The following DNAH3 variants were observed in gnomAD, a reference collection of about 807,000 sequenced individuals.
DNAH3 encodes the protein dynein axonemal heavy chain 3, also known as axonemal beta dynein heavy chain 3.
In DNAH3, 332 loss-of-function variants were observed where a neutral mutation model predicts 432.5. The observed-to-expected ratio is 0.77, with a 90% confidence interval of 0.70 to 0.84. DNAH3 has a LOEUF of 0.84. Among genes scored for constraint, DNAH3 ranks in the 40% least tolerant of loss-of-function variants. The probability of loss-of-function intolerance (pLI) is 0.00; values close to 1 mark genes in which losing one functional copy is unlikely to be tolerated. For missense variants in DNAH3, 4,861 were observed against 5,114.0 expected (o/e 0.95, Z 1.51); for synonymous variants, 1,956 against 1,900.2 (o/e 1.03, Z -0.76).
chr16:21,131,460 G>A (rs34778078), intron 7 of DNAH3, among the ~76,000 whole-genome samples: 3,948 of 36,846 alleles, frequency 0.11, 350 homozygotes, highest in African/African-American at 0.28. Flanking sequence ...GGAAAGAAAG[G>A]AAGGAAGGAA....
chr16:21,133,285 C>T (rs1399123005), intron 7 of DNAH3, among the ~76,000 whole-genome samples: 2 of 145,570 alleles, frequency 1.4e-5, no homozygotes, highest in African/African-American at 5.1e-5. Context: ...ATTGCTTCAG[C>T]TTGGGAGGAG....
intron 24 of DNAH3, among the ~76,000 whole-genome samples, chr16:21,064,452 A>G (rs2090470982): frequency 6.6e-6 from 1 of 152,220 alleles, no homozygotes; most frequent in South Asian, 2.1e-4. Context: ...GTGAAACATG[A>G]TTGTTGTTTC....
Position 20,963,446 on chromosome 16 carries a change from G to A in DNAH3, c.10438C>T (p.Arg3480Trp), listed in dbSNP as rs761505991. The change falls in exon 53 of 62, where the codon CGG (arginine) becomes TGG (tryptophan). Residue 3480 changes from arginine (R) to tryptophan (W), a missense_variant. Physicochemically the swap from Arg to Trp is moderately radical, Grantham distance 101 (BLOSUM62 -3). Coordinates refer to ENST00000261383, the Ensembl canonical transcript of DNAH3. ...ACCGCTGGCACCATTTTGTCAGGCCGCAAACATCGAAGGATCACCATCTTC... is the reference window on the plus strand; with the variant it reads ...ACCGCTGGCACCATTTTGTCAGGCCACAAACATCGAAGGATCACCATCTTC... The A allele has an allele frequency of 1.9e-5, 31 of 1,613,972 alleles. No individual in the cohort carries two copies. The highest frequency in any genetic ancestry group is 8.0e-5 in the African/African-American group (6 of 74,892).
chr16:20,955,880 G>C (rs2152599291), intron 54 of DNAH3, among the ~76,000 whole-genome samples: 1 of 152,026 alleles, frequency 6.6e-6, no homozygotes, highest in Admixed American at 6.6e-5. Context: ...TTGGCACATT[G>C]CATCTGAGGC....
intron 51 of DNAH3, among the ~76,000 whole-genome samples, chr16:20,972,296 G>C (rs2085379104): frequency 6.6e-6 from 1 of 151,432 alleles, no homozygotes; most frequent in Non-Finnish European, 1.5e-5. Context: ...TGCAGTGGTG[G>C]GATCATAGCT....
Position 21,081,698 on chromosome 16 carries a change from CT to C in DNAH3, c.2906del (p.Lys969SerfsTer43). Reference sequence around the variant, plus strand: ...TTGAGAGGCAGGTCGTTTCGGTGGGCTTTATCTCATAGCCAACAATCTCACT... The same window carrying C: ...TTGAGAGGCAGGTCGTTTCGGTGGGCTTATCTCATAGCCAACAATCTCACT... On this transcript the variant is annotated frameshift_variant, in exon 20 of 62. Transcript: ENST00000261383. LOFTEE classifies it high-confidence loss of function. 6.2e-7 allele frequency: 1 copy of C among 1,613,876 alleles called. No individual in the cohort carries two copies. Among genetic ancestry groups the C allele is most frequent in the Non-Finnish European group, 8.5e-7 (1 of 1,179,874 alleles).
At chr16:21,005,933 T>G (rs2087281836) in intron 41 of DNAH3, among the ~76,000 whole-genome samples, 1 of 152,116 alleles carries the variant, frequency 6.6e-6, no homozygotes, top group Non-Finnish European at 1.5e-5. Context: ...TATGTTATAT[T>G]TTCTGGTCAA....
At chr16:21,041,896 C>T (rs7188800) in intron 32 of DNAH3, 131 bp downstream of exon 32, 20,555 of 990,972 alleles carry the variant, frequency 0.021, 259 homozygotes, top group Middle Eastern at 0.044. Context: ...TGATCTCGAG[C>T]TCCTGACCTC....
Position 20,965,325 on chromosome 16 carries a change from TG to T in DNAH3, c.8558del (p.Pro2853HisfsTer2). 3 of 1,608,634 alleles carry T rather than the reference TG, an allele frequency of 1.9e-6. No individual in the cohort carries two copies. Among genetic ancestry groups the T allele is most frequent in the Non-Finnish European group, 2.5e-6 (3 of 1,176,914 alleles). ...TTTCCCGGATCCGCTTCATGGTCAG[TG>T]GGGGGATGTTGTCTTTGTCATATGT... On this transcript the variant is annotated frameshift_variant, in exon 53 of 62. Coordinates refer to ENST00000261383, the Ensembl canonical transcript of DNAH3. LOFTEE classifies it high-confidence loss of function.
chr16:21,108,533 A>G (rs4783524), intron 14 of DNAH3, among the ~76,000 whole-genome samples: 42,615 of 151,648 alleles, frequency 0.28, 6,098 homozygotes, highest in African/African-American at 0.33. Flanking sequence ...TGCTTGAGCC[A>G]GGGAGTTTGA....
chr16:21,038,150 T>C (rs1301347117), intron 33 of DNAH3, among the ~76,000 whole-genome samples, 170 bp from the exon 34 acceptor site: 2 of 152,092 alleles, frequency 1.3e-5, no homozygotes, highest in African/African-American at 2.4e-5. Flanking sequence ...TAATGTGGTA[T>C]GGAAGCATGA....
At chr16:21,144,684 G>A (rs1328552455) in intron 3 of DNAH3, among the ~76,000 whole-genome samples, 2 of 152,178 alleles carry the variant, frequency 1.3e-5, no homozygotes, top group African/African-American at 4.8e-5. Context: ...ATAGAACAGT[G>A]CCTGGTATAT....
At position 20,975,988 on chromosome 16, in the gene DNAH3, A is replaced by G. The variant is rs2085570468; in HGVS notation, c.8077-573T>C. On this transcript the variant is annotated intron_variant, in intron 50 of 61. Coordinates refer to ENST00000261383, the Ensembl canonical transcript of DNAH3. ...TAGAACTCCTGACCTCAGGTGATCC[A>G]CCCACCTTAGCCTCCCGAAGTGCTG... 2.0e-5 allele frequency among the ~76,000 whole-genome samples: 3 copies of G among 151,980 alleles called. No individual in the cohort carries two copies. In the South Asian group the frequency reaches 6.2e-4, roughly 32 times the overall value.
chr16:20,948,295 AC>A (rs3216894), intron 57 of DNAH3, among the ~76,000 whole-genome samples, 187 bp downstream of exon 57: 32,177 of 151,632 alleles, frequency 0.21, 3,572 homozygotes, highest in African/African-American at 0.28. Context: ...CCAAATACCG[AC>A]CCCCTCCTTA....
chr16:20,948,640 G>A lies in DNAH3; in HGVS notation c.11189-3C>T, dbSNP rs1192497204. ...TCTGCCTCCGTAATTACATTCCCCT[G>A]GGGACAACCAACAGAAGGAGAGGTT... is the stretch of plus-strand genomic sequence containing the variant. On this transcript the variant is annotated splice_polypyrimidine_tract_variant and splice_region_variant and intron_variant, in intron 56 of 61. Coordinates refer to ENST00000261383, the Ensembl canonical transcript of DNAH3. 6.2e-7 allele frequency: 1 copy of A among 1,614,058 alleles called. No individual in the cohort carries two copies. The highest frequency in any genetic ancestry group is 8.5e-7 in the Non-Finnish European group (1 of 1,179,962).
At chr16:21,159,345 C>T (rs1300932530) in exon 1 of DNAH3, 2 of 1,614,194 alleles carry the variant, frequency 1.2e-6, no homozygotes, top group Non-Finnish European at 1.7e-6. Flanking sequence ...CTCCCTTCCT[C>T]CTCTCCTTGG....
chr16:21,071,727 A>C (rs760645729), intron 21 of DNAH3, among the ~76,000 whole-genome samples: 5 of 151,576 alleles, frequency 3.3e-5, no homozygotes, highest in Non-Finnish European at 7.4e-5. Context: ...ATCTCTAAAA[A>C]TTTTTTTTTT....
exon 54 of DNAH3, chr16:20,959,377 C>T (rs767016703): frequency 3.1e-6 from 5 of 1,612,978 alleles, no homozygotes; most frequent in Admixed American, 3.3e-5. Context: ...ACCTCCCATA[C>T]CAAGATCATC....
intron 59 of DNAH3, among the ~76,000 whole-genome samples, chr16:20,937,425 T>C (rs912127822): frequency 6.6e-6 from 1 of 152,180 alleles, no homozygotes; most frequent in Non-Finnish European, 1.5e-5. Context: ...GCAAAATTCA[T>C]CCATCTCAAT....
Sources: allele counts gnomAD v4.1 joint callset (sites outside exome capture counted in the v4.1 genomes callset), GRCh38; gene constraint gnomAD v4.1.1; transcripts MANE v1.5; gene names NCBI Gene and HGNC (gene_info 2026-07-23, HGNC 2026-07-21).